ASB13: variants seen among roughly 807,000 people sequenced by gnomAD.
ASB13 encodes ankyrin repeat and SOCS box containing 13, also known as ankyrin repeat and SOCS box protein 13.
In ASB13, 33 loss-of-function variants were observed where a neutral mutation model predicts 28.8. The observed-to-expected ratio is 1.15, with a 90% CI of 0.87 to 1.53. The LOEUF (loss-of-function observed/expected upper bound fraction) is 1.53, where lower values mean the gene tolerates loss of function less well. Among genes scored for constraint, ASB13 ranks in the 40% most tolerant of loss-of-function variants. The probability of loss-of-function intolerance (pLI) is 0.00; values close to 1 mark genes in which losing one functional copy is unlikely to be tolerated. For synonymous variants in ASB13, 182 were observed against 172.9 expected, an observed-to-expected ratio of 1.05 and a Z score of -0.41; for missense variants, 414 against 390.1, an observed-to-expected ratio of 1.06 and a Z score of -0.52.
intron 5 of ASB13, 116 bp from the exon 6 acceptor site, chr10:5,640,946 A>C: frequency 1.4e-6 from 2 of 1,383,324 alleles, no homozygotes; most frequent in South Asian, 1.3e-5. Flanking sequence ...TGGAACCGGG[A>C]TGTGTCCTGT....
At position 5,640,631 on chromosome 10, in the gene ASB13, AACAG is replaced by A; in HGVS notation, c.*68_*71del. 6.3e-7 allele frequency: 1 copy of A among 1,589,994 alleles called. No individual in the cohort carries two copies. The highest frequency in any genetic ancestry group is 8.6e-7 in the Non-Finnish European group (1 of 1,160,720). On this transcript the variant is annotated 3_prime_UTR_variant, in exon 6 of 6. Transcript: ENST00000357700. ...TACAGCAATCACGCTGCTTCAGAGG[AACAG>A]GCAGAGCCCTCACCCGGGCAATGCT...
chr10:5,651,273 C>A lies in ASB13; in HGVS notation c.322G>T (p.Gly108Trp). The A allele has an allele frequency of 6.2e-7, 1 of 1,614,066 alleles. No homozygotes were observed. The highest frequency in any genetic ancestry group is 8.5e-7 in the Non-Finnish European group (1 of 1,179,996). The change falls in exon 3 of 6, where the codon GGG becomes TGG. Residue 108 changes from glycine to tryptophan, a missense_variant. Transcript: ENST00000357700. This position sits in a 1 kb window ranked among gnomAD's most constrained non-coding sequence, Gnocchi z 5.1. ...TACAGGGGAGGGTTGACCTTGGCCCCGTAGGACAGCAAGAGCTTCACACAC... is the reference window on the plus strand; with the variant it reads ...TACAGGGGAGGGTTGACCTTGGCCCAGTAGGACAGCAAGAGCTTCACACAC... ...IECVKLLLSY[G>W]AKVNPPLYTA...
In ASB13 at chr10:5,663,636, C is replaced by T. The variant is rs10128251; in HGVS notation, c.43+2873G>A. 0.27 allele frequency among the ~76,000 whole-genome samples: 40,891 copies of T among 152,120 alleles called. 5,755 individuals are homozygous for T. Among genetic ancestry groups the T allele is most frequent in the Middle Eastern group, 0.32 (95 of 294 alleles). Reference sequence around the variant, plus strand: ...GCCTCAGTTTCCTTAGGACAGCAGGCAATGTCTCCCAGGGCTGCCGAGTCG... The same window carrying T: ...GCCTCAGTTTCCTTAGGACAGCAGGTAATGTCTCCCAGGGCTGCCGAGTCG... On this transcript the variant is annotated intron_variant, in intron 1 of 5. Coordinates refer to ENST00000357700, the MANE Select transcript of ASB13 (RefSeq NM_024701.4). The surrounding 1 kb of genome is among the most constrained non-coding windows in gnomAD (Gnocchi z 4.9).
chr10:5,665,018 G>A (rs906762570), intron 1 of ASB13, among the ~76,000 whole-genome samples: 1 of 152,116 alleles, frequency 6.6e-6, no homozygotes, highest in Non-Finnish European at 1.5e-5. Context: ...CACAATGCTC[G>A]GCTAATTTTT....
chr10:5,662,603 G>GAAGAAAAGAGAAGAGAAGAGAAGAA (rs1835192160), intron 1 of ASB13, among the ~76,000 whole-genome samples: 1 of 132,366 alleles, frequency 7.6e-6, no homozygotes, highest in Non-Finnish European at 1.8e-5. Flanking sequence ...GAAGAGAAGA[G>GAAGAAAAGAGAAGAGAAGAGAAGAA]AAGAGAAGAG....
chr10:5,641,618 C>T lies in ASB13; in HGVS notation c.709+152G>A. ...GAGCTGGGGCAACAGCACAAACAGC[C>T]CCCGCAAAGTGCTTAAGGGTCTGTC... On this transcript the variant is annotated intron_variant, in intron 5 of 5. Coordinates refer to ENST00000357700, the MANE Select transcript of ASB13 (RefSeq NM_024701.4). This position sits in a 1 kb window ranked among gnomAD's most constrained non-coding sequence, Gnocchi z 8.4. 1 of 747,574 alleles carries T rather than the reference C, an allele frequency of 1.3e-6. No homozygotes were observed. The highest frequency in any genetic ancestry group is 2.0e-6 in the Non-Finnish European group (1 of 496,458). The allele number at this position is 747,574 out of a possible 1,614,324, so 46.3% of individuals were successfully genotyped here. A position where few individuals can be genotyped will look rare whatever the true frequency, so the allele number is the denominator to read the frequency against.
At position 5,642,580 on chromosome 10, in the gene ASB13, A is replaced by AG; in HGVS notation, c.518-620_518-619insC. ...TGATTAAAAGTAAAGGTAAAAAAAAATTTTTTTTTAAAAAAAAGAGCAGAC... is the reference window on the plus strand; with the variant it reads ...TGATTAAAAGTAAAGGTAAAAAAAAAGTTTTTTTTTAAAAAAAAGAGCAGAC... On this transcript the variant is annotated intron_variant, in intron 4 of 5. Coordinates refer to ENST00000357700, the MANE Select transcript of ASB13 (RefSeq NM_024701.4). This position sits in a 1 kb window ranked among gnomAD's most constrained non-coding sequence, Gnocchi z 4.1. The AG allele has an allele frequency of 2.6e-6, 3 of 1,175,496 alleles. No individual in the cohort carries two copies. Among genetic ancestry groups the AG allele is most frequent in the Non-Finnish European group, 3.3e-6 (3 of 916,786 alleles). 72.8% of individuals were successfully genotyped at this position (1,175,496 alleles called of 1,614,324 possible).
At position 5,666,541 on chromosome 10, in the gene ASB13, C is replaced by G; in HGVS notation, c.11G>C (p.Arg4Pro). 1.6e-6 allele frequency: 2 copies of G among 1,240,274 alleles called. No individual in the cohort carries two copies. Among genetic ancestry groups the G allele is most frequent in the Non-Finnish European group, 2.0e-6 (2 of 987,302 alleles). The allele number at this position is 1,240,274 out of a possible 1,614,324, so 76.8% of individuals were successfully genotyped here. The change falls in exon 1 of 6, where the codon CGG becomes CCG. Residue 4 changes from arginine (R) to proline (P), a missense_variant. Transcript: ENST00000357700. The stretch of plus-strand genomic sequence containing the variant: ...GCCCAGGAAGCAGCCGTCCGCCGCC[C>G]GGGGCTCCATGCGGCTCACCGGCGG... The part of the protein sequence containing the change: MEP[R>P]AADGCFLGDV...
intron 1 of ASB13, among the ~76,000 whole-genome samples, chr10:5,662,571 GAGAA>G (rs1835188735): frequency 3.1e-5 from 2 of 64,678 alleles, no homozygotes; most frequent in South Asian, 5.5e-4. Flanking sequence ...GAGGGGAGAA[GAGAA>G]GAGAAGAGAA....
Position 5,642,051 on chromosome 10 carries a change from G to A in ASB13, c.518-90C>T. 4 of 1,298,426 alleles carry A rather than the reference G, an allele frequency of 3.1e-6. No individual in the cohort carries two copies. The highest frequency in any genetic ancestry group is 4.3e-6 in the Non-Finnish European group (4 of 932,120). The allele number at this position is 1,298,426 out of a possible 1,614,324, so 80.4% of individuals were successfully genotyped here. ...GGTCCGTTTCGTCACACAGCACGGT[G>A]GCAGAAGCAATCCCCACCCAGAAGA... On this transcript the variant is annotated intron_variant, in intron 4 of 5. Coordinates refer to ENST00000357700, the MANE Select transcript of ASB13 (RefSeq NM_024701.4). This position sits in a 1 kb window ranked among gnomAD's most constrained non-coding sequence, Gnocchi z 4.1.
Position 5,642,374 on chromosome 10 carries a change from C to T in ASB13, c.518-413G>A, listed in dbSNP as rs547214825. 54 of 603,322 alleles carry T rather than the reference C, an allele frequency of 9.0e-5. No individual in the cohort carries two copies. Among genetic ancestry groups the T allele is most frequent in the Admixed American group, 1.9e-4 (4 of 20,780 alleles). 37.4% of individuals were successfully genotyped at this position (603,322 alleles called of 1,614,324 possible). ...AGACACACACTGCTTCTTCCTCTTG[C>T]GGGCCCAGGACGGAGGCTCCAGAAA... On this transcript the variant is annotated intron_variant, in intron 4 of 5. Transcript: ENST00000357700. This position sits in a 1 kb window ranked among gnomAD's most constrained non-coding sequence, Gnocchi z 4.1.
rs1221196000 is a variant in ASB13 at position 5,642,357 on chromosome 10, A to G, written c.518-396T>C. On this transcript the variant is annotated intron_variant, in intron 4 of 5. Transcript: ENST00000357700. The surrounding 1 kb of genome is among the most constrained non-coding windows in gnomAD (Gnocchi z 4.1). Reference sequence around the variant, plus strand: ...CGCCTGGCCTCCAGCACAGACACACACTGCTTCTTCCTCTTGCGGGCCCAG... The same window carrying G: ...CGCCTGGCCTCCAGCACAGACACACGCTGCTTCTTCCTCTTGCGGGCCCAG... 3 of 505,378 alleles carry G rather than the reference A, an allele frequency of 5.9e-6. No homozygotes were observed. The highest frequency in any genetic ancestry group is 8.6e-6 in the Non-Finnish European group (3 of 348,292). 31.3% of individuals were successfully genotyped at this position (505,378 alleles called of 1,614,324 possible).
At chr10:5,653,912 C>T (rs1286241223) in intron 1 of ASB13, among the ~76,000 whole-genome samples, 1 of 152,122 alleles carries the variant, frequency 6.6e-6, no homozygotes, top group Non-Finnish European at 1.5e-5. Context: ...AAACTCCTGA[C>T]CTCAGGTGAT....
chr10:5,653,935 G>A (rs1835031205), intron 1 of ASB13, among the ~76,000 whole-genome samples: 1 of 152,076 alleles, frequency 6.6e-6, no homozygotes, highest in Non-Finnish European at 1.5e-5. Flanking sequence ...ACCCACCTCA[G>A]CCTCTCAAAG....
At chr10:5,665,268 G>A (rs1835240737) in intron 1 of ASB13, among the ~76,000 whole-genome samples, 1 of 152,204 alleles carries the variant, frequency 6.6e-6, no homozygotes, top group African/African-American at 2.4e-5. Flanking sequence ...TGGAATGGCA[G>A]TATTGTTTTG....
At chr10:5,653,533 G>A (rs1253501190) in intron 1 of ASB13, among the ~76,000 whole-genome samples, 5 of 152,326 alleles carry the variant, frequency 3.3e-5, no homozygotes, top group South Asian at 2.1e-4. Context: ...TCCTGCACTC[G>A]AGTGCCTTGA....
chr10:5,653,896 G>A (rs890505520), intron 1 of ASB13, among the ~76,000 whole-genome samples: 1 of 152,058 alleles, frequency 6.6e-6, no homozygotes, highest in African/African-American at 2.4e-5. Flanking sequence ...TGGCCAGGAT[G>A]GTCTCAAACT....
chr10:5,657,379 A>G (rs934055772), intron 1 of ASB13, among the ~76,000 whole-genome samples: 21 of 152,248 alleles, frequency 1.4e-4, no homozygotes, highest in Middle Eastern at 6.8e-3. Flanking sequence ...CGAGTTGAAC[A>G]GACATTTCTC....
At position 5,648,963 on chromosome 10, in the gene ASB13, C is replaced by T. The variant is rs1380844697; in HGVS notation, c.517+7G>A. The T allele has an allele frequency of 1.2e-6, 2 of 1,613,460 alleles. No homozygotes were observed. The highest frequency in any genetic ancestry group is 1.7e-6 in the Non-Finnish European group (2 of 1,179,532). Reference sequence around the variant, plus strand: ...GTAAACACCCGCTCGGGCAAACACCCACTCACCTGCATTGAGCAGCACTTT... The same window carrying T: ...GTAAACACCCGCTCGGGCAAACACCTACTCACCTGCATTGAGCAGCACTTT... On this transcript the variant is annotated splice_region_variant and intron_variant, in intron 4 of 5. Coordinates refer to ENST00000357700, the MANE Select transcript of ASB13 (RefSeq NM_024701.4).
Sources: gnomAD v4.1 joint callset for allele counts (sites outside exome capture counted in the v4.1 genomes callset) on GRCh38, gnomAD v4.1.1 for gene constraint, Gnocchi (gnomAD v3.1) non-coding constraint, MANE v1.5 for transcripts, NCBI Gene and HGNC (gene_info 2026-07-23, HGNC 2026-07-21) for gene names.